The following MECOM variants were observed in gnomAD, a reference collection of about 807,000 sequenced individuals.
The protein encoded by MECOM is histone-lysine N-methyltransferase MECOM.
Under a neutral mutation model 116.3 loss-of-function variants are expected in MECOM, and 13 were observed. The ratio of observed to expected loss-of-function variants is 0.11; its 90% CI spans 0.07 to 0.18. The LOEUF (loss-of-function observed/expected upper bound fraction) is 0.18, where lower values mean the gene tolerates loss of function less well. MECOM is among the 10% of genes least tolerant of loss of function. The pLI, the probability that MECOM is intolerant of heterozygous loss-of-function variation, is 1.00. For missense variants in MECOM, 1,299 were observed against 1,509.0 expected (o/e 0.86, Z 2.31); for synonymous variants, 528 against 535.2 (o/e 0.99, Z 0.19).
intron 2 of MECOM, among the ~76,000 whole-genome samples, chr3:169,251,376 T>C (rs1756223944): frequency 6.6e-6 from 1 of 152,210 alleles, no homozygotes; most frequent in Non-Finnish European, 1.5e-5. Context: ...GAAAAGTTTC[T>C]TTAGAAAGAA....
Position 169,105,347 on chromosome 3 carries a change from T to C in MECOM, c.2604+2579A>G, listed in dbSNP as rs78381351. 2.4e-3 allele frequency among the ~76,000 whole-genome samples: 367 copies of C among 152,264 alleles called. 3 individuals carry two copies. The highest frequency in any genetic ancestry group is 4.8e-3 in the Admixed American group (73 of 15,278). ...AGATATTGGATTAACACGAACTCTA[T>C]TGAGTGCACAGATCAAAACCCCAAC... On this transcript the variant is annotated intron_variant, in intron 10 of 16. Transcript: ENST00000651503.
intron 1 of MECOM, among the ~76,000 whole-genome samples, chr3:169,485,693 G>T (rs1404823923): frequency 6.6e-6 from 1 of 151,144 alleles, no homozygotes; most frequent in Non-Finnish European, 1.5e-5. Context: ...AAGGCTGCGT[G>T]CTCAGATACA....
intron 1 of MECOM, among the ~76,000 whole-genome samples, chr3:169,385,737 C>T (rs1355013112): frequency 6.6e-6 from 1 of 152,092 alleles, no homozygotes; most frequent in Non-Finnish European, 1.5e-5. Context: ...TTATCATATC[C>T]CCATTAAATC....
In MECOM at chr3:169,507,946, C is replaced by T. The variant is rs1212180548; in HGVS notation, c.38-126422G>A. ...AAGTGCTGGGATCACAGGCATGAGCCACCGCGCCCGGCCCCAACTTGCCAT... is the reference window on the plus strand; with the variant it reads ...AAGTGCTGGGATCACAGGCATGAGCTACCGCGCCCGGCCCCAACTTGCCAT... On this transcript the variant is annotated intron_variant, in intron 1 of 16. Coordinates refer to ENST00000651503, the MANE Select transcript of MECOM (RefSeq NM_004991.4). Among the ~76,000 whole-genome samples, 3 of 152,234 alleles carry T rather than the reference C, an allele frequency of 2.0e-5. No homozygotes were observed. In the East Asian group the frequency reaches 5.8e-4, roughly 29 times the overall value.
chr3:169,590,049 C>T (rs911694871), intron 1 of MECOM, among the ~76,000 whole-genome samples: 2 of 152,186 alleles, frequency 1.3e-5, no homozygotes, highest in Non-Finnish European at 2.9e-5. Flanking sequence ...ACATGCCTTC[C>T]ATTTTGTTCC....
intron 1 of MECOM, among the ~76,000 whole-genome samples, chr3:169,430,373 CAT>C (rs1205579749): frequency 1.3e-5 from 2 of 152,210 alleles, no homozygotes; most frequent in East Asian, 3.9e-4. Context: ...GACTGGATGA[CAT>C]AGTACTACAT....
rs528868866 is a variant in MECOM at position 169,523,307 on chromosome 3, T to C, written c.37+140029A>G. Among the ~76,000 whole-genome samples, 8 of 152,222 alleles carry C rather than the reference T, an allele frequency of 5.3e-5. No individual in the cohort carries two copies. In the East Asian group the frequency reaches 1.4e-3, roughly 26 times the overall value. On this transcript the variant is annotated intron_variant, in intron 1 of 16. Coordinates refer to ENST00000651503, the MANE Select transcript of MECOM (RefSeq NM_004991.4). ...GCCTATAAAGAGAAGCCTAGTCCTT[T>C]CAAGCAGTTTCTCCAGATTTTACAA...
intron 2 of MECOM, among the ~76,000 whole-genome samples, chr3:169,331,690 A>T (rs1722744016): frequency 6.6e-6 from 1 of 152,104 alleles, no homozygotes. Flanking sequence ...ACATAAATTG[A>T]CCCTACTATA....
intron 1 of MECOM, among the ~76,000 whole-genome samples, chr3:169,654,963 G>C (rs1038745082): frequency 6.6e-6 from 1 of 152,148 alleles, no homozygotes; most frequent in Non-Finnish European, 1.5e-5. Context: ...AATGAATCTG[G>C]ACATTGCAAA....
intron 2 of MECOM, among the ~76,000 whole-genome samples, chr3:169,301,891 T>C (rs1403112276): frequency 6.6e-6 from 1 of 151,960 alleles, no homozygotes; most frequent in Non-Finnish European, 1.5e-5. Context: ...TAAATCAATA[T>C]GATGGGGGCA....
At chr3:169,343,097 G>A (rs1724813638) in intron 2 of MECOM, among the ~76,000 whole-genome samples, 1 of 152,162 alleles carries the variant, frequency 6.6e-6, no homozygotes, top group Non-Finnish European at 1.5e-5. Context: ...AATCAGAAGA[G>A]GAGAGAAGAT....
chr3:169,118,624 CTT>C (rs1219656227), intron 7 of MECOM, among the ~76,000 whole-genome samples: 1 of 151,924 alleles, frequency 6.6e-6, no homozygotes, highest in African/African-American at 2.4e-5. Context: ...GAAAAAATGT[CTT>C]GATGAGTATT....
At chr3:169,442,412 G>T (rs1743885823) in intron 1 of MECOM, among the ~76,000 whole-genome samples, 1 of 152,172 alleles carries the variant, frequency 6.6e-6, no homozygotes, top group African/African-American at 2.4e-5. Context: ...GTATGAATTA[G>T]AGAGTTTTAA....
chr3:169,509,462 A>G (rs1187726713), intron 1 of MECOM, among the ~76,000 whole-genome samples: 1 of 152,112 alleles, frequency 6.6e-6, no homozygotes, highest in Non-Finnish European at 1.5e-5. Flanking sequence ...CTTTTTAATG[A>G]TCCCAAACTG....
intron 2 of MECOM, among the ~76,000 whole-genome samples, chr3:169,173,087 C>G (rs894503326): frequency 2.0e-5 from 3 of 152,050 alleles, no homozygotes; most frequent in Non-Finnish European, 4.4e-5. Flanking sequence ...TTTCTATCAC[C>G]AATAAATGCA....
intron 2 of MECOM, among the ~76,000 whole-genome samples, chr3:169,295,304 G>A (rs544528190): frequency 2.6e-5 from 4 of 152,102 alleles, no homozygotes; most frequent in Admixed American, 6.5e-5. Context: ...ACAATAACAC[G>A]TGACTCGAAG....
intron 2 of MECOM, among the ~76,000 whole-genome samples, chr3:169,284,600 T>C (rs1458778914): frequency 6.6e-6 from 1 of 151,930 alleles, no homozygotes; most frequent in African/African-American, 2.4e-5. Context: ...CACAAATGTG[T>C]GTGTATATAC....
At chr3:169,358,350 T>C (rs1727628430) in intron 2 of MECOM, among the ~76,000 whole-genome samples, 1 of 151,706 alleles carries the variant, frequency 6.6e-6, no homozygotes, top group African/African-American at 2.4e-5. Context: ...AAATAGAGGT[T>C]TCCATTCTTC....
At chr3:169,568,661 C>T (rs150074571) in intron 1 of MECOM, among the ~76,000 whole-genome samples, 29 of 152,296 alleles carry the variant, frequency 1.9e-4, no homozygotes, top group African/African-American at 6.7e-4. Flanking sequence ...GCCAGACTGC[C>T]TCTCTAGATT....
Sources: gnomAD v4.1 joint callset for allele counts (sites outside exome capture counted in the v4.1 genomes callset) on GRCh38, gnomAD v4.1.1 for gene constraint, MANE v1.5 for transcripts, NCBI Gene and HGNC (gene_info 2026-07-23, HGNC 2026-07-21) for gene names.